Variants in ERC2 observed in about 807,000 individuals in gnomAD.
The protein encoded by ERC2 is ERC protein 2.
ERC2 carries 42 observed loss-of-function variants against 114.8 expected under a neutral mutation model. The ratio of observed to expected loss-of-function variants is 0.37; its 90% CI spans 0.29 to 0.47. ERC2 has a LOEUF of 0.47. Ranked by LOEUF, ERC2 falls within the 20% of genes least tolerant of loss-of-function variation. The pLI is 0.99. For missense variants in ERC2, 939 were observed against 1,150.7 expected (o/e 0.82, Z 2.66); for synonymous variants, 454 against 425.5 (o/e 1.07, Z -0.82).
intron 12 of ERC2, among the ~76,000 whole-genome samples, chr3:55,951,900 T>A (rs944250664): frequency 1.3e-4 from 19 of 151,950 alleles, no homozygotes; most frequent in Admixed American, 5.9e-4. Flanking sequence ...CTAGTCCTCA[T>A]AAATTATGTA....
chr3:55,646,656 CT>C (rs2060411464), intron 17 of ERC2, among the ~76,000 whole-genome samples: 1 of 152,208 alleles, frequency 6.6e-6, no homozygotes, highest in South Asian at 2.1e-4. Context: ...CTACTTATTA[CT>C]GTCCCTGTAA....
At chr3:55,743,518 T>C (rs2066102342) in intron 14 of ERC2, among the ~76,000 whole-genome samples, 1 of 134,770 alleles carries the variant, frequency 7.4e-6, no homozygotes, top group Non-Finnish European at 1.5e-5. Flanking sequence ...CAATGAAGGA[T>C]GGGAGGGACC....
chr3:56,198,172 G>C (rs2048214538), intron 3 of ERC2, among the ~76,000 whole-genome samples: 1 of 152,208 alleles, frequency 6.6e-6, no homozygotes. Context: ...GCCCAGAACA[G>C]AGGAAGCACC....
chr3:55,865,444 C>T (rs1025218837), intron 14 of ERC2, among the ~76,000 whole-genome samples: 1 of 152,098 alleles, frequency 6.6e-6, no homozygotes, highest in South Asian at 2.1e-4. Flanking sequence ...TCTGCAGAGA[C>T]CCCCTTTAAT....
chr3:55,515,891 G>T (rs1033016860), intron 17 of ERC2, among the ~76,000 whole-genome samples: 1 of 152,168 alleles, frequency 6.6e-6, no homozygotes, highest in Non-Finnish European at 1.5e-5. Flanking sequence ...GCAGAAACAG[G>T]CTGGGAGAAA....
chr3:56,363,990 A>G (rs2059060501), intron 2 of ERC2, among the ~76,000 whole-genome samples: 1 of 152,200 alleles, frequency 6.6e-6, no homozygotes, highest in South Asian at 2.1e-4. Context: ...AACAAAATCC[A>G]AATTCTTTAG....
Position 56,205,234 on chromosome 3 carries a change from C to T in ERC2, c.1075-31714G>A, listed in dbSNP as rs189984600. ...CTGATTTTCTTTTTCAGGCCATGGA[C>T]GACTAAATGCTTGATCAGAGCAAGC... On this transcript the variant is annotated intron_variant, in intron 3 of 17. Coordinates refer to ENST00000288221, the MANE Select transcript of ERC2 (RefSeq NM_015576.3). 1.2e-3 allele frequency among the ~76,000 whole-genome samples: 178 copies of T among 152,174 alleles called. 1 individual carries two copies. Among genetic ancestry groups the T allele is most frequent in the South Asian group, 1.5e-3 (7 of 4,804 alleles).
intron 14 of ERC2, among the ~76,000 whole-genome samples, chr3:55,767,465 A>C (rs552071985): frequency 6.6e-6 from 1 of 152,254 alleles, no homozygotes; most frequent in African/African-American, 2.4e-5. Context: ...GTAAAACAGA[A>C]ACCCCTCTGT....
chr3:56,152,393 A>G lies in ERC2; in HGVS notation c.1150-3261T>C, dbSNP rs765823659. On this transcript the variant is annotated intron_variant, in intron 4 of 17. Coordinates refer to ENST00000288221, the MANE Select transcript of ERC2 (RefSeq NM_015576.3). ...TGGATTCTTCAAGGGAAAACTTGCCACAATCATCCCCAATTTAAAATGAAG... is the reference window on the plus strand; with the variant it reads ...TGGATTCTTCAAGGGAAAACTTGCCGCAATCATCCCCAATTTAAAATGAAG... Among the ~76,000 whole-genome samples, 28 of 133,054 alleles carry G rather than the reference A, an allele frequency of 2.1e-4. No individual in the cohort carries two copies. In the Admixed American group the frequency reaches 2.3e-3, roughly 11 times the overall value. 87.3% of individuals were successfully genotyped at this position (133,054 alleles called of 152,430 possible).
intron 17 of ERC2, among the ~76,000 whole-genome samples, chr3:55,520,814 C>A (rs1176923452): frequency 1.3e-5 from 2 of 152,094 alleles, no homozygotes; most frequent in African/African-American, 4.8e-5. Context: ...TGTTAAAAAG[C>A]CCTTTACTGA....
In ERC2 at chr3:55,842,609, G is replaced by A. The variant is rs112031481; in HGVS notation, c.2564+45780C>T. Among the ~76,000 whole-genome samples the A allele has an allele frequency of 5.0e-3, 759 of 152,096 alleles. 7 individuals carry two copies. The highest frequency in any genetic ancestry group is 0.017 in the African/African-American group (719 of 41,502). On this transcript the variant is annotated intron_variant, in intron 14 of 17. Transcript: ENST00000288221. ...GTTAAATATAGGTTGCTAGGAATTGGGGTGGAAATTTTTTTTTTTTAGCTC... is the reference window on the plus strand; with the variant it reads ...GTTAAATATAGGTTGCTAGGAATTGAGGTGGAAATTTTTTTTTTTTAGCTC...
In ERC2 at chr3:56,369,420, A is replaced by G. The variant is rs2059276352; in HGVS notation, c.657+64931T>C. Among the ~76,000 whole-genome samples the G allele has an allele frequency of 2.0e-5, 3 of 152,310 alleles. No individual in the cohort carries two copies. In the South Asian group the frequency reaches 6.2e-4, roughly 32 times the overall value. ...CACCTATAGGAACAAATGACCTTAA[A>G]CAAATCAACCTATGACTTTGCTACT... is the stretch of plus-strand genomic sequence containing the variant. On this transcript the variant is annotated intron_variant, in intron 2 of 17. Transcript: ENST00000288221.
intron 14 of ERC2, among the ~76,000 whole-genome samples, chr3:55,884,760 T>C (rs2063286041): frequency 6.6e-6 from 1 of 152,114 alleles, no homozygotes; most frequent in Admixed American, 6.5e-5. Flanking sequence ...CCCAGTTGCT[T>C]TCCAATTCTA....
intron 2 of ERC2, among the ~76,000 whole-genome samples, chr3:56,405,887 CTTTTT>C (rs72095902): frequency 1.2e-5 from 1 of 85,206 alleles, no homozygotes; most frequent in Non-Finnish European, 2.2e-5. Context: ...ACTTTTTTTT[CTTTTT>C]TTTTTTTTTT....
intron 14 of ERC2, among the ~76,000 whole-genome samples, chr3:55,856,189 T>C (rs1008264224): frequency 6.6e-6 from 1 of 152,212 alleles, no homozygotes; most frequent in South Asian, 2.1e-4. Context: ...ACCCCAGTTT[T>C]GTGTCTTTAG....
chr3:56,446,933 G>T (rs1389142333), intron 1 of ERC2, among the ~76,000 whole-genome samples: 1 of 152,032 alleles, frequency 6.6e-6, no homozygotes, highest in Non-Finnish European at 1.5e-5. Context: ...GGCCGAGAGT[G>T]CATTTTCAAG....
intron 17 of ERC2, among the ~76,000 whole-genome samples, chr3:55,661,346 C>T (rs1271282681): frequency 6.6e-6 from 1 of 152,190 alleles, no homozygotes; most frequent in Non-Finnish European, 1.5e-5. Flanking sequence ...GGTTGTGGGA[C>T]TTTCCTGGCT....
rs150309927 is a variant in ERC2 at position 55,927,820 on chromosome 3, T to C, written c.2403+22605A>G. Among the ~76,000 whole-genome samples, 382 of 152,032 alleles carry C rather than the reference T, an allele frequency of 2.5e-3. 3 individuals carry two copies. Among genetic ancestry groups the C allele is most frequent in the African/African-American group, 8.8e-3 (364 of 41,470 alleles). ...ATCTCCATGAGTTTCACTGTTTTAA[T>C]TTTTTTTAGCTCCCACAAATAAGTG... On this transcript the variant is annotated intron_variant, in intron 13 of 17. Coordinates refer to ENST00000288221, the MANE Select transcript of ERC2 (RefSeq NM_015576.3).
intron 17 of ERC2, among the ~76,000 whole-genome samples, chr3:55,607,230 G>A (rs374168713): frequency 3.3e-4 from 50 of 152,290 alleles, no homozygotes; most frequent in African/African-American, 1.0e-3. Context: ...ACAGGACAGC[G>A]GGTAAGGAAA....
Sources: allele counts gnomAD v4.1 joint callset (sites outside exome capture counted in the v4.1 genomes callset), GRCh38; gene constraint gnomAD v4.1.1; transcripts MANE v1.5; gene names NCBI Gene and HGNC (gene_info 2026-07-23, HGNC 2026-07-21).